The following CLYBL variants were observed in gnomAD, a reference collection of about 807,000 sequenced individuals.
The protein encoded by CLYBL is citramalyl-CoA lyase, mitochondrial.
In CLYBL, 31 loss-of-function variants were observed where a neutral mutation model predicts 38.9. The observed-to-expected ratio is 0.80, with a 90% CI of 0.60 to 1.08. The LOEUF (loss-of-function observed/expected upper bound fraction) is 1.08. Among genes scored for constraint, CLYBL ranks in the 50% least tolerant of loss-of-function variants. CLYBL has a pLI of 0.00. For synonymous variants in CLYBL, 171 were observed against 158.6 expected, an observed-to-expected ratio of 1.08 and a Z score of -0.59; for missense variants, 434 against 411.6, an observed-to-expected ratio of 1.05 and a Z score of -0.47.
intron 8 of CLYBL, chr13:99,891,695 G>C (rs972349663): frequency 4.6e-5 from 14 of 307,066 alleles, no homozygotes; most frequent in Non-Finnish European, 7.9e-5. Context: ...CCTGGGGAAA[G>C]ATGGGCTGTG....
intron 1 of CLYBL, among the ~76,000 whole-genome samples, chr13:99,754,087 CAAAAAA>C (rs71121003): frequency 3.1e-4 from 14 of 45,414 alleles, no homozygotes; most frequent in African/African-American, 1.1e-3. Context: ...AACTCGGTCT[CAAAAAA>C]AAAAAAAAAA....
At chr13:99,708,540 G>T (rs2048180377) in intron 1 of CLYBL, among the ~76,000 whole-genome samples, 1 of 152,190 alleles carries the variant, frequency 6.6e-6, no homozygotes, top group Non-Finnish European at 1.5e-5. Flanking sequence ...AATTCTACCA[G>T]CTGGTTGACC....
At chr13:99,830,417 A>G (rs893603977) in intron 2 of CLYBL, among the ~76,000 whole-genome samples, 1 of 152,220 alleles carries the variant, frequency 6.6e-6, no homozygotes, top group Non-Finnish European at 1.5e-5. Context: ...TCCAGGCACC[A>G]CTGCGGTATA....
chr13:99,647,779 C>T (rs923986529), intron 1 of CLYBL, among the ~76,000 whole-genome samples: 1 of 152,138 alleles, frequency 6.6e-6, no homozygotes, highest in Non-Finnish European at 1.5e-5. Context: ...TTACAGTTGG[C>T]ATTTCTGAGC....
chr13:99,866,154 C>A, intron 5 of CLYBL, 86 bp from the exon 6 acceptor site: 2 of 1,287,026 alleles, frequency 1.6e-6, no homozygotes, highest in South Asian at 2.5e-5. Flanking sequence ...GTTTAGATAT[C>A]TGTACAAACT....
At chr13:99,894,300 G>A (rs1346998572), downstream of CLYBL, 1 of 152,272 alleles carries the variant, frequency 6.6e-6, no homozygotes, top group African/African-American at 2.4e-5. Context: ...CCCCCGACAC[G>A]GGGAAGTGAG....
intron 1 of CLYBL, among the ~76,000 whole-genome samples, chr13:99,765,823 G>A (rs375197859): frequency 3.3e-4 from 50 of 151,152 alleles, no homozygotes; most frequent in African/African-American, 1.2e-3. Context: ...GGGATTACAG[G>A]CATGAGCCAC....
At chr13:99,771,481 C>T (rs1002671947) in intron 1 of CLYBL, among the ~76,000 whole-genome samples, 1 of 152,188 alleles carries the variant, frequency 6.6e-6, no homozygotes, top group Non-Finnish European at 1.5e-5. Flanking sequence ...TTGTGAAGTT[C>T]TTAATAAATT....
At chr13:99,695,070 G>A (rs2047959377) in intron 1 of CLYBL, among the ~76,000 whole-genome samples, 1 of 151,968 alleles carries the variant, frequency 6.6e-6, no homozygotes, top group Non-Finnish European at 1.5e-5. Flanking sequence ...GGTAAGCCGC[G>A]AATCCCCTCA....
In CLYBL at chr13:99,820,122, G is replaced by A. The variant is rs891651593; in HGVS notation, c.250-38739G>A. ...TTGTCCCATCTATGCTGTGTCTCGC[G>A]GAGGCTGCTGTGTCTGTTTCTTAGC... On this transcript the variant is annotated intron_variant, in intron 2 of 8. Coordinates refer to ENST00000339105, the MANE Select transcript of CLYBL (RefSeq NM_206808.5). Among the ~76,000 whole-genome samples the A allele has an allele frequency of 3.7e-4, 57 of 152,136 alleles. 1 individual carries two copies. Among genetic ancestry groups the A allele is most frequent in the South Asian group, 2.1e-4 (1 of 4,826 alleles).
At position 99,690,563 on chromosome 13, in the gene CLYBL, T is replaced by TG. The variant is rs2047886304; in HGVS notation, c.63-82259dup. On this transcript the variant is annotated intron_variant, in intron 1 of 8. Transcript: ENST00000339105. ...GGATGTTTCCCTCACCATCAGTTGATGGAATCATCAGTGTTCCGGTTCTAT... is the reference window on the plus strand; with the variant it reads ...GGATGTTTCCCTCACCATCAGTTGATGGGAATCATCAGTGTTCCGGTTCTAT... 4 of 152,306 alleles carry TG rather than the reference T, an allele frequency of 2.6e-5. No individual in the cohort carries two copies. In the South Asian group the frequency reaches 8.3e-4, roughly 32 times the overall value. 9.4% of individuals were successfully genotyped at this position (152,306 alleles called of 1,614,324 possible). A position where few individuals can be genotyped will look rare whatever the true frequency, so the allele number is the denominator to read the frequency against.
At chr13:99,732,502 T>C (rs1290994547) in intron 1 of CLYBL, among the ~76,000 whole-genome samples, 1 of 152,148 alleles carries the variant, frequency 6.6e-6, no homozygotes, top group Non-Finnish European at 1.5e-5. Flanking sequence ...GTTTTTTCTT[T>C]CTTTGGTTTC....
At chr13:99,840,522 T>C (rs924058185) in intron 2 of CLYBL, among the ~76,000 whole-genome samples, 2 of 151,030 alleles carry the variant, frequency 1.3e-5, no homozygotes, top group East Asian at 1.9e-4. Context: ...CTTTGGGAGG[T>C]TGAGGCAGGG....
At chr13:99,837,014 A>G (rs1271514575) in intron 2 of CLYBL, among the ~76,000 whole-genome samples, 1 of 152,088 alleles carries the variant, frequency 6.6e-6, no homozygotes, top group Non-Finnish European at 1.5e-5. Flanking sequence ...CGTTGTGCAC[A>G]TGTACCCTAA....
rs529674060 is a variant in CLYBL at position 99,753,332 on chromosome 13, A to G, written c.63-19492A>G. Among the ~76,000 whole-genome samples, 9 of 152,218 alleles carry G rather than the reference A, an allele frequency of 5.9e-5. No homozygotes were observed. In the East Asian group the frequency reaches 1.2e-3, roughly 20 times the overall value. ...CATCATGATTTGATTTGTGTTTTTT[A>G]AAGTCCAGACTGGCTGTGGTGTGGA... On this transcript the variant is annotated intron_variant, in intron 1 of 8. Transcript: ENST00000339105.
intron 1 of CLYBL, among the ~76,000 whole-genome samples, chr13:99,629,475 C>G (rs1329099213): frequency 6.6e-6 from 1 of 152,164 alleles, no homozygotes; most frequent in Non-Finnish European, 1.5e-5. Context: ...GCAGCGCTCT[C>G]CCTGCTGTGG....
Position 99,891,395 on chromosome 13 carries a change from C to G in CLYBL, c.1005C>G (p.Thr335=), listed in dbSNP as rs768261965. Residue 335 remains threonine (T), a synonymous_variant, in exon 8 of 9, where the codon ACC becomes ACG. Coordinates refer to ENST00000339105, the MANE Select transcript of CLYBL (RefSeq NM_206808.5). ...CCCAGAACACTGTTACGCTTGCCAC[C>G]TCCATCAAGGAAAAATGATCTGTTA... ...KQAQNTVTLA[T]SIKEK 4 of 1,612,972 alleles carry G rather than the reference C, an allele frequency of 2.5e-6. No individual in the cohort carries two copies. In the East Asian group the frequency reaches 8.9e-5, roughly 36 times the overall value.
chr13:99,677,603 A>T (rs2047673106), intron 1 of CLYBL, among the ~76,000 whole-genome samples: 1 of 152,208 alleles, frequency 6.6e-6, no homozygotes, highest in Non-Finnish European at 1.5e-5. Context: ...GAAAGGATAT[A>T]GTGTTCTCTT....
chr13:99,794,716 C>T (rs1440816670), intron 2 of CLYBL, among the ~76,000 whole-genome samples: 10 of 151,696 alleles, frequency 6.6e-5, no homozygotes, highest in Admixed American at 2.6e-4. Context: ...CTCAGCCTCC[C>T]GAGTAGTTGG....
Sources: gnomAD v4.1 joint callset for allele counts (sites outside exome capture counted in the v4.1 genomes callset) on GRCh38, gnomAD v4.1.1 for gene constraint, MANE v1.5 for transcripts, NCBI Gene and HGNC (gene_info 2026-07-23, HGNC 2026-07-21) for gene names.